Variants in ELOA2 observed in about 807,000 individuals in gnomAD.
The protein encoded by ELOA2 is elongin-A2.
For missense variants in ELOA2, 1,271 were observed against 979.7 expected, an observed-to-expected ratio of 1.30 and a Z score of -3.97; for synonymous variants, 497 against 398.8, an observed-to-expected ratio of 1.25 and a Z score of -2.94.
At position 47,033,251 on chromosome 18, in the gene ELOA2, T is replaced by C. The variant is rs2060572163; in HGVS notation, c.2014A>G (p.Ile672Val). The C allele has an allele frequency of 1.2e-6, 2 of 1,613,630 alleles. No homozygotes were observed. The highest frequency in any genetic ancestry group is 1.7e-6 in the Non-Finnish European group (2 of 1,180,040). The change falls in exon 1 of 1, where the codon ATC (isoleucine) becomes GTC (valine). Residue 672 changes from isoleucine to valine, a missense_variant. Ile to Val is a conservative substitution (Grantham distance 29, BLOSUM62 3). Coordinates refer to ENST00000332567, the MANE Select transcript of ELOA2 (RefSeq NM_016427.3). The stretch of plus-strand genomic sequence containing the variant: ...CCCGCGGGCTTGGAGGCTGGCTTGA[T>C]CTCCCCATTTTCGGGGTCAGCGTCT... ...AGDADPENGE[I>V]KPASKPAGSS...
Position 47,032,720 on chromosome 18 carries a change from A to T in ELOA2, c.*283T>A. ...CATCTTTTTCCTTATTTATGATTAC[A>T]ACTAGGGTGTTTTTAAAAATTATCA... On this transcript the variant is annotated 3_prime_UTR_variant, in exon 1 of 1. Transcript: ENST00000332567. The T allele has an allele frequency of 1.8e-6, 1 of 554,058 alleles. No individual in the cohort carries two copies. The highest frequency in any genetic ancestry group is 3.1e-6 in the Non-Finnish European group (1 of 317,484). The allele number at this position is 554,058 out of a possible 1,614,324, so 34.3% of individuals were successfully genotyped here.
Position 47,033,374 on chromosome 18 carries a change from C to T in ELOA2, c.1891G>A (p.Gly631Arg), listed in dbSNP as rs2060579787. 6.2e-7 allele frequency: 1 copy of T among 1,614,170 alleles called. No homozygotes were observed. Among genetic ancestry groups the T allele is most frequent in the Non-Finnish European group, 8.5e-7 (1 of 1,180,036 alleles). The part of the protein sequence containing the change: ...VMTTNIRSAR[G>R]NNPNGREAKM... ...GCCTCTCTGCCGTTGGGGTTGTTTC[C>T]ACGTGCAGATCGGATATTCGTTGTC... The change falls in exon 1 of 1, where the codon GGA (glycine) becomes AGA (arginine). Residue 631 changes from glycine to arginine, a missense_variant. Coordinates refer to ENST00000332567, the MANE Select transcript of ELOA2 (RefSeq NM_016427.3).
In ELOA2 at chr18:47,033,685, G is replaced by C. The variant is rs202004416; in HGVS notation, c.1580C>G (p.Pro527Arg). 2.5e-6 allele frequency: 4 copies of C among 1,614,180 alleles called. No homozygotes were observed. In the Admixed American group the frequency reaches 5.0e-5, roughly 20 times the overall value. Residue 527 changes from proline to arginine, a missense_variant, in exon 1 of 1, where the codon CCG becomes CGG. Pro to Arg is a moderately radical substitution (Grantham distance 103). Coordinates refer to ENST00000332567, the MANE Select transcript of ELOA2 (RefSeq NM_016427.3). ...CTGGGCACACTGCTGGCGCAGCGTCGGCACCTGGAGCTGGCAGGCAGGCCT... is the reference window on the plus strand; with the variant it reads ...CTGGGCACACTGCTGGCGCAGCGTCCGCACCTGGAGCTGGCAGGCAGGCCT... ...GSRPACQLQV[P>R]TLRQQCAQVL... is the part of the protein sequence containing the mutation.
chr18:47,034,556 A>T lies in ELOA2; in HGVS notation c.709T>A (p.Leu237Met), dbSNP rs761612577. The change falls in exon 1 of 1, where the codon TTG becomes ATG. Residue 237 changes from leucine (L) to methionine (M), a missense_variant. Physicochemically the swap from Leu to Met is conservative, Grantham distance 15. Coordinates refer to ENST00000332567, the MANE Select transcript of ELOA2 (RefSeq NM_016427.3). ...GAGTGCCAATCTCCCTGGGCACACAAGGGGCGTTTTTCCTGGCGAGACGAT... is the reference window on the plus strand; with the variant it reads ...GAGTGCCAATCTCCCTGGGCACACATGGGGCGTTTTTCCTGGCGAGACGAT... ...HKSSRQEKRPLCAQGDWHSPT... is the reference protein window; with the variant it reads ...HKSSRQEKRPMCAQGDWHSPT... The T allele has an allele frequency of 6.8e-6, 11 of 1,614,072 alleles. No individual in the cohort carries two copies. Among genetic ancestry groups the T allele is most frequent in the East Asian group, 2.2e-5 (1 of 44,888 alleles).
chr18:47,035,310 T>G lies in ELOA2; in HGVS notation c.-46A>C. On this transcript the variant is annotated 5_prime_UTR_variant, in exon 1 of 1. Transcript: ENST00000332567. ...GTCGCTGTCCCGGCGGTCGCAGCTC[T>G]GTCTTTGGGGCTGCGGGACAGGAAG... The G allele has an allele frequency of 6.2e-7, 1 of 1,610,704 alleles. No homozygotes were observed. Among genetic ancestry groups the G allele is most frequent in the Non-Finnish European group, 8.5e-7 (1 of 1,178,832 alleles).
chr18:47,033,867 TGA>T, the ELOA2 span: 1 of 1,613,880 alleles, frequency 6.2e-7, no homozygotes, highest in African/African-American at 1.3e-5. Flanking sequence ...TCCAGGCCTC[TGA>T]GAGGTCCCAG....
rs766789590 is a variant in ELOA2, at chr18:47,035,274, G to A, written c.-10C>T. The A allele has an allele frequency of 6.2e-7, 1 of 1,612,528 alleles. No homozygotes were observed. The highest frequency in any genetic ancestry group is 1.1e-5 in the South Asian group (1 of 91,014). ...TGGACCCTGCCGCCATCTCACCAGA[G>A]CTGTGCAGGCGTCGCTGTCCCGGCG... On this transcript the variant is annotated 5_prime_UTR_variant, in exon 1 of 1. Transcript: ENST00000332567.
In ELOA2 at chr18:47,034,020, G is replaced by A. The variant is rs767658717; in HGVS notation, c.1245C>T (p.Asn415=). Residue 415 remains asparagine, a synonymous_variant, in exon 1 of 1, where the codon AAC becomes AAT. Transcript: ENST00000332567. ...AGGACTCACGAGTGCCCTTGGATTC[G>A]TTTGCTTTCCTTTGTTTATCTCCAA... The part of the protein sequence containing the change: ...TALGDKQRKA[N]ESKGTRESWD... The A allele has an allele frequency of 1.5e-5, 24 of 1,614,040 alleles. No homozygotes were observed. Among genetic ancestry groups the A allele is most frequent in the Non-Finnish European group, 2.0e-5 (24 of 1,180,054 alleles).
chr18:47,033,318 C>T lies in ELOA2; in HGVS notation c.1947G>A (p.Lys649=). 1 of 1,613,752 alleles carries T rather than the reference C, an allele frequency of 6.2e-7. No individual in the cohort carries two copies. Among genetic ancestry groups the T allele is most frequent in the Non-Finnish European group, 8.5e-7 (1 of 1,180,046 alleles). ...GCCTCCTTGAAGTATCATAAGGCGT[C>T]TTGGCCACAGATTTGAAACAGATCA... The part of the protein sequence containing the change: ...AKMICFKSVA[K]TPYDTSRRQE... Residue 649 remains lysine, a synonymous_variant, in exon 1 of 1, where the codon AAG becomes AAA. Transcript: ENST00000332567.
In ELOA2 at chr18:47,035,041, T is replaced by C; in HGVS notation, c.224A>G (p.Lys75Arg). The change falls in exon 1 of 1, where the codon AAG becomes AGG. Residue 75 changes from lysine (K) to arginine (R), a missense_variant. By Grantham distance (26) the Lys-to-Arg change is conservative. Coordinates refer to ENST00000332567, the MANE Select transcript of ELOA2 (RefSeq NM_016427.3). The stretch of plus-strand genomic sequence containing the variant: ...GGTGTTTCGGTCCACGAGCACCAGC[T>C]TCTTCCACCGGGCCGCTAAGTCTCT... Reference protein sequence around the residue: ...FARDLAARWKKLVLVDRNTRP... With the variant: ...FARDLAARWKRLVLVDRNTRP... 6.2e-7 allele frequency: 1 copy of C among 1,611,852 alleles called. No individual in the cohort carries two copies. Among genetic ancestry groups the C allele is most frequent in the South Asian group, 1.1e-5 (1 of 90,964 alleles).
rs1437647848 is a variant in ELOA2 at position 47,032,912 on chromosome 18, G to T, written c.*91C>A. 4 of 1,605,782 alleles carry T rather than the reference G, an allele frequency of 2.5e-6. 1 individual carries two copies. Among genetic ancestry groups the T allele is most frequent in the South Asian group, 2.2e-5 (2 of 90,188 alleles). On this transcript the variant is annotated 3_prime_UTR_variant, in exon 1 of 1. Coordinates refer to ENST00000332567, the MANE Select transcript of ELOA2 (RefSeq NM_016427.3). The stretch of plus-strand genomic sequence containing the variant: ...AACTTTGCACCAAGTTAAAGGTTCT[G>T]GTGTCCATTGGAAGTTTCGTTCCCC...
chr18:47,035,025 G>T lies in ELOA2; in HGVS notation c.240C>A (p.Asp80Glu), dbSNP rs528023078. The T allele has an allele frequency of 6.2e-7, 1 of 1,611,700 alleles. No individual in the cohort carries two copies. The highest frequency in any genetic ancestry group is 1.1e-5 in the South Asian group (1 of 90,964). Residue 80 changes from aspartate to glutamate, a missense_variant, in exon 1 of 1, where the codon GAC becomes GAA. Physicochemically the swap from Asp to Glu is conservative, Grantham distance 45. Coordinates refer to ENST00000332567, the MANE Select transcript of ELOA2 (RefSeq NM_016427.3). ...AARWKKLVLVDRNTRPGPQDP... is the reference protein window; with the variant it reads ...AARWKKLVLVERNTRPGPQDP... ...CCTGTGGGCCAGGCCGGGTGTTTCG[G>T]TCCACGAGCACCAGCTTCTTCCACC...
In ELOA2 at chr18:47,035,474, C is replaced by T. The variant is rs2060729504; in HGVS notation, c.-210G>A. On this transcript the variant is annotated 5_prime_UTR_variant, in exon 1 of 1. Transcript: ENST00000332567. ...CCGTCCTTGCAGACAGCTGAGCAGG[C>T]CCGCTTTTGTTCCTCGGGATGTGGA... 22 of 1,071,510 alleles carry T rather than the reference C, an allele frequency of 2.1e-5. No individual in the cohort carries two copies. The highest frequency in any genetic ancestry group is 3.4e-5 in the South Asian group (2 of 59,648). The allele number at this position is 1,071,510 out of a possible 1,614,324, so 66.4% of individuals were successfully genotyped here. A position where few individuals can be genotyped will look rare whatever the true frequency, so the allele number is the denominator to read the frequency against.
In ELOA2 at chr18:47,034,189, G is replaced by C. The variant is rs780709545; in HGVS notation, c.1076C>G (p.Thr359Arg). The change falls in exon 1 of 1, where the codon ACG becomes AGG. Residue 359 changes from threonine to arginine, a missense_variant. Physicochemically the swap from Thr to Arg is moderately conservative, Grantham distance 71. Transcript: ENST00000332567. ...GKPPTAHLDRTSVSSLSEVEE... is the reference protein window; with the variant it reads ...GKPPTAHLDRRSVSSLSEVEE... ...CACCTCAGAGAGGGAGCTCACGGACGTTCTGTCCAAATGAGCAGTCGGTGG... is the reference window on the plus strand; with the variant it reads ...CACCTCAGAGAGGGAGCTCACGGACCTTCTGTCCAAATGAGCAGTCGGTGG... 3.7e-6 allele frequency: 6 copies of C among 1,613,950 alleles called. No homozygotes were observed. The highest frequency in any genetic ancestry group is 1.7e-5 in the Admixed American group (1 of 60,002).
chr18:47,034,124 G>T lies in ELOA2; in HGVS notation c.1141C>A (p.Leu381Met). 1 of 1,614,194 alleles carries T rather than the reference G, an allele frequency of 6.2e-7. No individual in the cohort carries two copies. Among genetic ancestry groups the T allele is most frequent in the Non-Finnish European group, 8.5e-7 (1 of 1,180,018 alleles). ...DMAEEFEQPT[L>M]SCEKYLTYDQ... ...TAGGTGAGGTATTTTTCACATGACAGAGTGGGCTGCTCGAATTCCTCAGCC... is the reference window on the plus strand; with the variant it reads ...TAGGTGAGGTATTTTTCACATGACATAGTGGGCTGCTCGAATTCCTCAGCC... The change falls in exon 1 of 1, where the codon CTG (leucine) becomes ATG (methionine). Residue 381 changes from leucine (L) to methionine (M), a missense_variant. Transcript: ENST00000332567.
chr18:47,034,603 A>C lies in ELOA2; in HGVS notation c.662T>G (p.Val221Gly), dbSNP rs771933812. 8 of 1,614,032 alleles carry C rather than the reference A, an allele frequency of 5.0e-6. No homozygotes were observed. The highest frequency in any genetic ancestry group is 2.2e-5 in the East Asian group (1 of 44,878). ...CQGQPQGKAV[V>G]SHSKGHKSSR... ...CGATTTGTGCCCCTTGCTGTGGCTC[A>C]CAACGGCTTTCCCCTGGGGTTGGCC... The change falls in exon 1 of 1, where the codon GTG becomes GGG. Residue 221 changes from valine (V) to glycine (G), a missense_variant. Transcript: ENST00000332567.
chr18:47,034,007 T>C lies in ELOA2; in HGVS notation c.1258A>G (p.Thr420Ala). The C allele has an allele frequency of 6.2e-7, 1 of 1,613,998 alleles. No homozygotes were observed. The highest frequency in any genetic ancestry group is 1.1e-5 in the South Asian group (1 of 91,070). Reference protein sequence around the residue: ...KQRKANESKGTRESWDSAKKL... With the variant: ...KQRKANESKGARESWDSAKKL... ...TTAGCCGAATCCCAGGACTCACGAG[T>C]GCCCTTGGATTCGTTTGCTTTCCTT... is the stretch of plus-strand genomic sequence containing the variant. Residue 420 changes from threonine to alanine, a missense_variant, in exon 1 of 1, where the codon ACT (threonine) becomes GCT (alanine). Physicochemically the swap from Thr to Ala is moderately conservative, Grantham distance 58. Transcript: ENST00000332567.
rs769385321 is a variant in ELOA2 at position 47,033,518 on chromosome 18, C to T, written c.1747G>A (p.Glu583Lys). 1.2e-6 allele frequency: 2 copies of T among 1,614,144 alleles called. No individual in the cohort carries two copies. The highest frequency in any genetic ancestry group is 1.1e-5 in the South Asian group (1 of 91,074). ...DNHALVRETD[E>K]LRRNHCFQDF... ...TGGAAACAATGATTCCTCCGTAATT[C>T]GTCTGTCTCTCTAACGAGTGCGTGA... is the stretch of plus-strand genomic sequence containing the variant. The change falls in exon 1 of 1, where the codon GAA becomes AAA. Residue 583 changes from glutamate (E) to lysine (K), a missense_variant. Coordinates refer to ENST00000332567, the MANE Select transcript of ELOA2 (RefSeq NM_016427.3).
chr18:47,033,222 G>T lies in ELOA2; in HGVS notation c.2043C>A (p.Ser681Arg), dbSNP rs750036911. ...EIKPASKPAG[S>R]SHTPSSQSSS... ...TGCTCTGGCTGGAGGGAGTGTGGCT[G>T]CTTCCCGCGGGCTTGGAGGCTGGCT... The change falls in exon 1 of 1, where the codon AGC becomes AGA. Residue 681 changes from serine to arginine, a missense_variant. Transcript: ENST00000332567. The T allele has an allele frequency of 6.2e-7, 1 of 1,613,964 alleles. No homozygotes were observed. The highest frequency in any genetic ancestry group is 2.2e-5 in the East Asian group (1 of 44,888).
Sources: allele counts gnomAD v4.1 joint callset, GRCh38; gene constraint gnomAD v4.1.1; transcripts MANE v1.5; gene names NCBI Gene and HGNC (gene_info 2026-07-23, HGNC 2026-07-21).